The following SHLD1 variants were observed in gnomAD, a reference collection of about 807,000 sequenced individuals.
SHLD1 encodes the protein RINN1-REV7-interacting novel NHEJ regulator 3.
A neutral mutation model predicts 5.5 loss-of-function variants in SHLD1; 3 were observed. That is an observed-to-expected ratio of 0.54 (90% CI 0.25 to 1.40). The LOEUF (loss-of-function observed/expected upper bound fraction) is 1.40, where lower values mean the gene tolerates loss of function less well. SHLD1 is among the 40% of genes most tolerant of loss of function. SHLD1 has a pLI of 0.15. For missense variants in SHLD1, 210 were observed against 244.4 expected (o/e 0.86, Z 0.94); for synonymous variants, 92 against 94.3 (o/e 0.98, Z 0.14).
chr20:5,797,586 G>A (rs2087231530), intron 2 of SHLD1, among the ~76,000 whole-genome samples: 2 of 151,944 alleles, frequency 1.3e-5, no homozygotes, highest in Admixed American at 1.3e-4. Flanking sequence ...AAGAATATGT[G>A]TGAAGTCCCA....
At chr20:5,809,152 G>C (rs1333471972) in intron 2 of SHLD1, among the ~76,000 whole-genome samples, 1 of 152,066 alleles carries the variant, frequency 6.6e-6, no homozygotes, top group Non-Finnish European at 1.5e-5. Flanking sequence ...GCTCATAAGT[G>C]ATGAAAAGGA....
At chr20:5,837,232 G>C (rs978654334) in intron 2 of SHLD1, among the ~76,000 whole-genome samples, 1 of 152,148 alleles carries the variant, frequency 6.6e-6, no homozygotes, top group African/African-American at 2.4e-5. Context: ...ACAACAGAGG[G>C]GTTAGGAGTA....
At chr20:5,777,984 CT>C (rs1985507662) in intron 2 of SHLD1, among the ~76,000 whole-genome samples, 1 of 151,916 alleles carries the variant, frequency 6.6e-6, no homozygotes, top group Admixed American at 6.6e-5. Context: ...TTCTGTAGTA[CT>C]TTTATATGTT....
Position 5,858,402 on chromosome 20 carries a change from G to T in SHLD1, c.179-4622G>T, listed in dbSNP as rs982736149. On this transcript the variant is annotated intron_variant, in intron 2 of 2. Transcript: ENST00000303142. ...GGAAGAATCCCTCATTAGATATCTGGGTTTCTAAAGGCTAATGGCATCTCT... is the reference window on the plus strand; with the variant it reads ...GGAAGAATCCCTCATTAGATATCTGTGTTTCTAAAGGCTAATGGCATCTCT... 6.6e-5 allele frequency among the ~76,000 whole-genome samples: 10 copies of T among 152,098 alleles called. No individual in the cohort carries two copies. In the South Asian group the frequency reaches 1.9e-3, roughly 28 times the overall value.
intron 2 of SHLD1, among the ~76,000 whole-genome samples, chr20:5,797,201 AAG>A (rs1163979361): frequency 2.6e-5 from 4 of 152,152 alleles, no homozygotes. Flanking sequence ...TAGGAAAGGA[AAG>A]AGGGAGAGGG....
chr20:5,823,592 C>T (rs374007926), intron 2 of SHLD1, among the ~76,000 whole-genome samples: 2 of 151,726 alleles, frequency 1.3e-5, no homozygotes, highest in East Asian at 1.9e-4. Context: ...GGATTACAGG[C>T]GCCCGCCACC....
At chr20:5,814,686 G>T (rs1222117028) in intron 2 of SHLD1, among the ~76,000 whole-genome samples, 3 of 129,800 alleles carry the variant, frequency 2.3e-5, no homozygotes, top group African/African-American at 6.0e-5. Flanking sequence ...TTGAGATAGG[G>T]TCTCACTCTG....
chr20:5,763,544 C>A (rs924072312), intron 1 of SHLD1, among the ~76,000 whole-genome samples: 1 of 152,094 alleles, frequency 6.6e-6, no homozygotes, highest in African/African-American at 2.4e-5. Flanking sequence ...GAGCATGAGA[C>A]CAATGTGTAA....
intron 2 of SHLD1, among the ~76,000 whole-genome samples, chr20:5,851,310 A>AC (rs903873819): frequency 2.0e-5 from 3 of 152,012 alleles, no homozygotes; most frequent in Admixed American, 1.3e-4. Flanking sequence ...ACATGGTGAG[A>AC]CCCCATCTCT....
Position 5,804,352 on chromosome 20 carries a change from T to C in SHLD1, c.178+31309T>C, listed in dbSNP as rs56375528. On this transcript the variant is annotated intron_variant, in intron 2 of 2. Transcript: ENST00000303142. ...ACATTTGTATATCGCAAAAAAAAACTATATATATATATACAGTTACTGTAA... is the reference window on the plus strand; with the variant it reads ...ACATTTGTATATCGCAAAAAAAAACCATATATATATATACAGTTACTGTAA... Among the ~76,000 whole-genome samples, 3 of 75,954 alleles carry C rather than the reference T, an allele frequency of 3.9e-5. 1 individual carries two copies. In the South Asian group the frequency reaches 8.6e-4, roughly 22 times the overall value. The allele number at this position is 75,954 out of a possible 152,430, so 49.8% of individuals were successfully genotyped here.
At chr20:5,775,622 C>T (rs569730696) in intron 2 of SHLD1, among the ~76,000 whole-genome samples, 9 of 152,294 alleles carry the variant, frequency 5.9e-5, no homozygotes, top group African/African-American at 1.7e-4. Flanking sequence ...GGTACTCAAA[C>T]GCTAAGACAA....
Position 5,791,074 on chromosome 20 carries a change from G to A in SHLD1, c.178+18031G>A, listed in dbSNP as rs565388099. Among the ~76,000 whole-genome samples, 3 of 151,994 alleles carry A rather than the reference G, an allele frequency of 2.0e-5. No individual in the cohort carries two copies. The South Asian group carries it at 6.2e-4, about 32-fold the overall frequency. On this transcript the variant is annotated intron_variant, in intron 2 of 2. Coordinates refer to ENST00000303142, the MANE Select transcript of SHLD1 (RefSeq NM_152504.4). ...GCTACTTGGGAGGCTGAGGCAAGAG[G>A]ATCGCCTGATCCCAGGAGTTCAAAG... is the stretch of plus-strand genomic sequence containing the variant.
intron 2 of SHLD1, among the ~76,000 whole-genome samples, chr20:5,860,629 C>G (rs1456853414): frequency 6.6e-6 from 1 of 151,966 alleles, no homozygotes; most frequent in African/African-American, 2.4e-5. Context: ...CTGTTTTAGC[C>G]TCCTTCATTC....
intron 2 of SHLD1, among the ~76,000 whole-genome samples, chr20:5,826,678 C>T (rs74374585): frequency 0.021 from 3,150 of 152,198 alleles, 119 homozygotes; most frequent in African/African-American, 0.072. Flanking sequence ...TGGTACCGGA[C>T]TCTCCTGGGT....
At position 5,863,199 on chromosome 20, in the gene SHLD1, T is replaced by C; in HGVS notation, c.354T>C (p.Ser118=). 1 of 1,614,188 alleles carries C rather than the reference T, an allele frequency of 6.2e-7. No homozygotes were observed. Among genetic ancestry groups the C allele is most frequent in the East Asian group, 2.2e-5 (1 of 44,884 alleles). Residue 118 remains serine (S), a synonymous_variant, in exon 3 of 3, where the codon TCT becomes TCC. Coordinates refer to ENST00000303142, the MANE Select transcript of SHLD1 (RefSeq NM_152504.4). ...AGCCAGGCTCTGCAAACTCACTCTC[T>C]GCATCTGTCTGCAAGTGCCTGTCTC... ...HPQPGSANSL[S]ASVCKCLSQK...
chr20:5,783,818 T>G (rs2087019393), intron 2 of SHLD1, among the ~76,000 whole-genome samples: 1 of 151,950 alleles, frequency 6.6e-6, no homozygotes, highest in Non-Finnish European at 1.5e-5. Context: ...CAGGCAGGCA[T>G]TCATCCAAAG....
intron 1 of SHLD1, among the ~76,000 whole-genome samples, chr20:5,765,769 CTTTTTT>C (rs756234026): frequency 3.2e-5 from 2 of 62,074 alleles, no homozygotes; most frequent in Admixed American, 2.8e-4. Context: ...CGCACAAATC[CTTTTTT>C]TTTTTTTTTT....
chr20:5,775,865 C>A (rs1014046235), intron 2 of SHLD1, among the ~76,000 whole-genome samples: 4 of 150,190 alleles, frequency 2.7e-5, no homozygotes, highest in African/African-American at 4.9e-5. Context: ...CTCAGGAGAT[C>A]CAATTCCTCA....
chr20:5,837,528 A>T (rs1465372537), intron 2 of SHLD1, among the ~76,000 whole-genome samples: 1 of 146,514 alleles, frequency 6.8e-6, no homozygotes, highest in Admixed American at 6.9e-5. Flanking sequence ...ATGTGTTCTC[A>T]TCATTCAGCT....
Sources: allele counts gnomAD v4.1 joint callset (sites outside exome capture counted in the v4.1 genomes callset), GRCh38; gene constraint gnomAD v4.1.1; transcripts MANE v1.5; gene names NCBI Gene and HGNC (gene_info 2026-07-23, HGNC 2026-07-21).